Variants in PHF12 observed in about 807,000 individuals in gnomAD.
PHF12 encodes PHD finger protein 12.
A neutral mutation model predicts 99.8 loss-of-function variants in PHF12; 6 were observed. The observed-to-expected ratio is 0.06, with a 90% confidence interval of 0.03 to 0.12. PHF12 has a LOEUF of 0.12. PHF12 is among the 10% of genes least tolerant of loss of function. The pLI, the probability that PHF12 is intolerant of heterozygous loss-of-function variation, is 1.00. For missense variants in PHF12, 954 were observed against 1,300.1 expected (o/e 0.73, Z 4.09); for synonymous variants, 480 against 514.9 (o/e 0.93, Z 0.92).
intron 7 of PHF12, among the ~76,000 whole-genome samples, chr17:28,916,982 G>T (rs974845802): frequency 6.6e-6 from 1 of 152,190 alleles, no homozygotes; most frequent in Non-Finnish European, 1.5e-5. Context: ...TAGAATGAGC[G>T]TTAGGTGAGG....
intron 2 of PHF12, among the ~76,000 whole-genome samples, chr17:28,937,947 C>T (rs1313212451): frequency 1.3e-5 from 2 of 152,174 alleles, no homozygotes; most frequent in African/African-American, 4.8e-5. Flanking sequence ...CGGTAATTTT[C>T]TCACACTCTT....
chr17:28,931,331 C>G (rs925905473), intron 2 of PHF12, among the ~76,000 whole-genome samples: 1 of 150,276 alleles, frequency 6.7e-6, no homozygotes, highest in African/African-American at 2.5e-5. Flanking sequence ...TCTTGGCTCA[C>G]TGCAACCTCT....
chr17:28,910,841 G>C (rs1425108064), intron 10 of PHF12: 1 of 448,280 alleles, frequency 2.2e-6, no homozygotes, highest in Non-Finnish European at 4.0e-6. Context: ...TGCCTAAAGT[G>C]ATTTTGTTCT....
At position 28,906,673 on chromosome 17, in the gene PHF12, CA is replaced by C; in HGVS notation, c.2681-157del. 1 of 1,209,806 alleles carries C rather than the reference CA, an allele frequency of 8.3e-7. No individual in the cohort carries two copies. The highest frequency in any genetic ancestry group is 1.1e-6 in the Non-Finnish European group (1 of 875,514). 74.9% of individuals were successfully genotyped at this position (1,209,806 alleles called of 1,614,324 possible). A position where few individuals can be genotyped will look rare whatever the true frequency, so the allele number is the denominator to read the frequency against. On this transcript the variant is annotated intron_variant, in intron 14 of 14. Coordinates refer to ENST00000332830, the MANE Select transcript of PHF12 (RefSeq NM_001033561.2). The surrounding 1 kb of genome is among the most constrained non-coding windows in gnomAD (Gnocchi z 4.2). ...AAGGGTTGGTGGAGTCTGAAGTCCC[CA>C]CAGGTGTGTACACACATGGGGGTAC...
rs2040802596 is a variant in PHF12, at chr17:28,951,057, C to G, written c.-97G>C. The G allele has an allele frequency of 4.4e-6, 7 of 1,582,440 alleles. No homozygotes were observed. Among genetic ancestry groups the G allele is most frequent in the Non-Finnish European group, 5.2e-6 (6 of 1,164,828 alleles). ...GAGGGGGCGCTCCTGACCCCGGCCC[C>G]GCTTTTTTCCCAATACGGGTCCCGA... On this transcript the variant is annotated 5_prime_UTR_variant, in exon 1 of 15. Coordinates refer to ENST00000332830, the MANE Select transcript of PHF12 (RefSeq NM_001033561.2).
At chr17:28,909,953 A>T in intron 11 of PHF12, 1 of 632,028 alleles carries the variant, frequency 1.6e-6, no homozygotes, top group Admixed American at 2.6e-5. Context: ...ACATATACCC[A>T]AAGGTACTGG....
At chr17:28,931,146 C>T (rs762460968) in intron 2 of PHF12, among the ~76,000 whole-genome samples, 3 of 152,172 alleles carry the variant, frequency 2.0e-5, no homozygotes, top group Non-Finnish European at 4.4e-5. Context: ...CTTTGTTAAG[C>T]CTGCCCTAAA....
Position 28,913,893 on chromosome 17 carries a change from C to G in PHF12, c.1279G>C (p.Ala427Pro). The G allele has an allele frequency of 6.2e-7, 1 of 1,608,586 alleles. No homozygotes were observed. The highest frequency in any genetic ancestry group is 8.5e-7 in the Non-Finnish European group (1 of 1,175,910). The change falls in exon 8 of 15, where the codon GCA becomes CCA. Residue 427 changes from alanine (A) to proline (P), a missense_variant. By Grantham distance (27) the Ala-to-Pro change is conservative (BLOSUM62 -1). Around this residue, in one of 8 missense-constraint regions of PHF12, gnomAD observed 392 missense variants for 423.1 expected, o/e 0.93. Coordinates refer to ENST00000332830, the MANE Select transcript of PHF12 (RefSeq NM_001033561.2). ...LLNSEHLATQAEQQEWLCSVV... is the reference protein window; with the variant it reads ...LLNSEHLATQPEQQEWLCSVV... ...CCTTCACTCACCTCTTGCTGCTCTG[C>G]TTGGGTGGCTAAGTGCTCAGAGTTC...
rs2040794708 is a variant in PHF12 at position 28,950,702 on chromosome 17, A to G, written c.66+193T>C. Reference sequence around the variant, plus strand: ...GCGAATCGAGGGCGGCGGGTAGGTGAAACTGCTGCAAACGTCCTCGGAGGC... The same window carrying G: ...GCGAATCGAGGGCGGCGGGTAGGTGGAACTGCTGCAAACGTCCTCGGAGGC... On this transcript the variant is annotated intron_variant, in intron 1 of 14. Coordinates refer to ENST00000332830, the MANE Select transcript of PHF12 (RefSeq NM_001033561.2). This position sits in a 1 kb window ranked among gnomAD's most constrained non-coding sequence, Gnocchi z 5.7. 1.3e-6 allele frequency: 1 copy of G among 766,592 alleles called. No individual in the cohort carries two copies. The highest frequency in any genetic ancestry group is 1.9e-6 in the Non-Finnish European group (1 of 524,192). 47.5% of individuals were successfully genotyped at this position (766,592 alleles called of 1,614,324 possible). A position where few individuals can be genotyped will look rare whatever the true frequency, so the allele number is the denominator to read the frequency against.
At chr17:28,929,306 G>A (rs2040353129) in intron 2 of PHF12, among the ~76,000 whole-genome samples, 1 of 150,862 alleles carries the variant, frequency 6.6e-6, no homozygotes, top group African/African-American at 2.4e-5. Context: ...GCAATGGTGC[G>A]ATCTTGGCTC....
At chr17:28,908,905 G>A (rs1283755233) in intron 11 of PHF12, 24 bp from the exon 12 acceptor site, 3 of 1,592,576 alleles carry the variant, frequency 1.9e-6, no homozygotes, top group African/African-American at 1.3e-5. Context: ...ATAGGAATAG[G>A]ATCATTCAGA....
Position 28,950,291 on chromosome 17 carries a change from G to A in PHF12, c.67-45C>T, listed in dbSNP as rs187607368. The A allele has an allele frequency of 5.9e-5, 92 of 1,552,212 alleles. 1 individual carries two copies. The Admixed American group carries it at 1.3e-3, about 22-fold the overall frequency. On this transcript the variant is annotated intron_variant, in intron 1 of 14. Coordinates refer to ENST00000332830, the MANE Select transcript of PHF12 (RefSeq NM_001033561.2). The surrounding 1 kb of genome is among the most constrained non-coding windows in gnomAD (Gnocchi z 5.7). ...GCGTGTGTGCACACTCGGAGCTCCC[G>A]GGCGGTCCGTCGCCCCCCCGGCGCG...
chr17:28,911,069 T>TC, intron 10 of PHF12, 43 bp downstream of exon 10: 1 of 1,613,094 alleles, frequency 6.2e-7, no homozygotes, highest in Non-Finnish European at 8.5e-7. Context: ...AATAGCACCT[T>TC]CAACATAGCA....
rs763497216 is a variant in PHF12, at chr17:28,913,294, GGA to G, written c.1294-19_1294-18del. 1.9e-6 allele frequency: 3 copies of G among 1,586,942 alleles called. No homozygotes were observed. The highest frequency in any genetic ancestry group is 2.6e-6 in the Non-Finnish European group (3 of 1,164,744). On this transcript the variant is annotated intron_variant, in intron 8 of 14. Transcript: ENST00000332830. ...ACAGAGCCACTGCAATGGAAGGAGA[GGA>G]GAGGGGGGTGAGAAGCCTGAGAGGC...
At chr17:28,921,568 C>T (rs564558574) in intron 5 of PHF12, 120 bp downstream of exon 5, 1 of 1,290,666 alleles carries the variant, frequency 7.7e-7, no homozygotes, top group African/African-American at 1.5e-5. Context: ...TCTCCATGTA[C>T]TCATACTATC....
chr17:28,931,754 GT>G lies in PHF12; in HGVS notation c.249-4692del, dbSNP rs1159029107. 3.7e-3 allele frequency among the ~76,000 whole-genome samples: 496 copies of G among 135,546 alleles called. 1 individual carries two copies. The highest frequency in any genetic ancestry group is 0.013 in the African/African-American group (468 of 36,670). 88.9% of individuals were successfully genotyped at this position (135,546 alleles called of 152,430 possible). ...CTGCCCCCATGTCCAGCTAATTTTT[GT>G]TTTTTTTTTAGAGATGGGGTTTCAC... On this transcript the variant is annotated intron_variant, in intron 2 of 14. Coordinates refer to ENST00000332830, the MANE Select transcript of PHF12 (RefSeq NM_001033561.2).
chr17:28,946,996 T>C (rs2040732769), intron 2 of PHF12, among the ~76,000 whole-genome samples: 1 of 151,976 alleles, frequency 6.6e-6, no homozygotes, highest in South Asian at 2.1e-4. Flanking sequence ...TTTTTTTTTT[T>C]CTCCTGAGAT....
intron 3 of PHF12, chr17:28,926,639 G>A (rs970898541): frequency 1.9e-6 from 1 of 531,024 alleles, no homozygotes; most frequent in African/African-American, 2.0e-5. Flanking sequence ...GCCCTGGGGT[G>A]AGAGAAAACT....
chr17:28,906,430 G>A lies in PHF12; in HGVS notation c.2768C>T (p.Pro923Leu). The A allele has an allele frequency of 2.5e-6, 4 of 1,614,136 alleles. No homozygotes were observed. Among genetic ancestry groups the A allele is most frequent in the Non-Finnish European group, 3.4e-6 (4 of 1,180,038 alleles). Residue 923 changes from proline (P) to leucine (L), a missense_variant, in exon 15 of 15, where the codon CCC becomes CTC. Physicochemically the swap from Pro to Leu is moderately conservative, Grantham distance 98. Transcript: ENST00000332830. This position sits in a 1 kb window ranked among gnomAD's most constrained non-coding sequence, Gnocchi z 4.2. ...SSQAQGPQRRPCNCKASSSSL... is the reference protein window; with the variant it reads ...SSQAQGPQRRLCNCKASSSSL... ...CGAGCTGCTGGCTTTGCAATTGCAG[G>A]GTCTCCGCTGCGGCCCCTGGGCCTG...
Sources: gnomAD v4.1 joint callset for allele counts (sites outside exome capture counted in the v4.1 genomes callset) on GRCh38, gnomAD v4.1.1 for gene constraint, gnomAD v4.1.1 regional missense constraint, Gnocchi (gnomAD v3.1) non-coding constraint, MANE v1.5 for transcripts, NCBI Gene and HGNC (gene_info 2026-07-23, HGNC 2026-07-21) for gene names.